The following RGS7 variants were observed in gnomAD, a reference collection of about 807,000 sequenced individuals.
The protein encoded by RGS7 is regulator of G protein signaling 7, also known as regulator of G-protein signaling 7.
RGS7 carries 27 observed loss-of-function variants against 81.1 expected under a neutral mutation model. That is an observed-to-expected ratio of 0.33 (90% CI 0.25 to 0.46). The LOEUF (loss-of-function observed/expected upper bound fraction) is 0.46. RGS7 is among the 20% of genes least tolerant of loss of function. RGS7 has a pLI of 1.00. For missense variants in RGS7, 396 were observed against 607.4 expected (o/e 0.65, Z 3.66); for synonymous variants, 208 against 207.7 (o/e 1.00, Z -0.01).
chr1:240,776,886 A>C lies in RGS7; in HGVS notation c.*7-673T>G, dbSNP rs191181709. Among the ~76,000 whole-genome samples, 1,048 of 152,352 alleles carry C rather than the reference A, an allele frequency of 6.9e-3. 14 individuals are homozygous for C. Among genetic ancestry groups the C allele is most frequent in the African/African-American group, 0.022 (925 of 41,588 alleles). Reference sequence around the variant, plus strand: ...ACTTCTTCCAACCCTAATACAAGAAAAAATCTGTTCTATTCTGATTCCACA... The same window carrying C: ...ACTTCTTCCAACCCTAATACAAGAACAAATCTGTTCTATTCTGATTCCACA... On this transcript the variant is annotated intron_variant, in intron 18 of 18. Coordinates refer to ENST00000440928, the MANE Select transcript of RGS7 (RefSeq NM_001364886.1).
intron 2 of RGS7, among the ~76,000 whole-genome samples, chr1:241,116,235 T>G (rs897979469): frequency 1.4e-4 from 22 of 152,304 alleles, no homozygotes; most frequent in African/African-American, 5.1e-4. Flanking sequence ...TTAGAAATTT[T>G]TATTGTGGAA....
rs139115194 is a variant in RGS7, at chr1:241,183,268, A to G, written c.79-84506T>C. Among the ~76,000 whole-genome samples, 130 of 152,332 alleles carry G rather than the reference A, an allele frequency of 8.5e-4. 2 individuals carry two copies. In the East Asian group the frequency reaches 0.023, roughly 27 times the overall value. ...TTTCCATTACTAATTGTTTCCCCGC[A>G]TAAATGATTGCAGTATGATTTGGTT... On this transcript the variant is annotated intron_variant, in intron 2 of 18. Transcript: ENST00000440928.
intron 2 of RGS7, among the ~76,000 whole-genome samples, chr1:241,215,362 C>T (rs891008150): frequency 6.6e-6 from 1 of 152,176 alleles, no homozygotes; most frequent in Non-Finnish European, 1.5e-5. Context: ...GGGACTCATA[C>T]TTCAAACGCT....
intron 6 of RGS7, among the ~76,000 whole-genome samples, chr1:240,919,434 A>C (rs1299167955): frequency 6.6e-6 from 1 of 152,232 alleles, no homozygotes; most frequent in Non-Finnish European, 1.5e-5. Context: ...TTATACATTA[A>C]TTAATGTAAC....
At chr1:241,118,667 T>A (rs2066035758) in intron 2 of RGS7, among the ~76,000 whole-genome samples, 1 of 151,972 alleles carries the variant, frequency 6.6e-6, no homozygotes, top group Non-Finnish European at 1.5e-5. Context: ...GTTGACAGAA[T>A]AAAGAAAACA....
Position 241,017,319 on chromosome 1 carries a change from T to TA in RGS7, c.176-34191dup, listed in dbSNP as rs1373452282. Among the ~76,000 whole-genome samples, 6 of 152,054 alleles carry TA rather than the reference T, an allele frequency of 3.9e-5. 1 individual carries two copies. The highest frequency in any genetic ancestry group is 1.4e-4 in the African/African-American group (6 of 41,484). ...AGCTGGGCGTGGTGGCGCACGCCTGTAATTCCAGCTACCAGGGAGGCTGAG... is the reference window on the plus strand; with the variant it reads ...AGCTGGGCGTGGTGGCGCACGCCTGTAAATTCCAGCTACCAGGGAGGCTGAG... On this transcript the variant is annotated intron_variant, in intron 3 of 18. Transcript: ENST00000440928.
intron 2 of RGS7, among the ~76,000 whole-genome samples, chr1:241,139,921 C>A (rs143081957): frequency 6.6e-6 from 1 of 152,212 alleles, no homozygotes; most frequent in African/African-American, 2.4e-5. Flanking sequence ...ATAACCATCA[C>A]CTAGGTGTCA....
intron 3 of RGS7, among the ~76,000 whole-genome samples, chr1:241,066,347 GAAAGGTGACCCT>G (rs2062060940): frequency 6.6e-6 from 1 of 152,192 alleles, no homozygotes; most frequent in African/African-American, 2.4e-5. Flanking sequence ...TCATGCTGAA[GAAAGGTGACCCT>G]TCCAGCTCAG....
chr1:241,153,482 T>G (rs1441548009), intron 2 of RGS7, among the ~76,000 whole-genome samples: 24 of 151,396 alleles, frequency 1.6e-4, no homozygotes, highest in Admixed American at 7.2e-4. Context: ...AAAAAGTGGT[T>G]AGATTTACAA....
At chr1:241,236,552 A>G (rs1437108254) in intron 2 of RGS7, among the ~76,000 whole-genome samples, 1 of 152,146 alleles carries the variant, frequency 6.6e-6, no homozygotes, top group Non-Finnish European at 1.5e-5. Flanking sequence ...TATGGACAGG[A>G]AAGACCTTCT....
At chr1:241,008,094 G>A (rs935509799) in intron 3 of RGS7, among the ~76,000 whole-genome samples, 3 of 151,866 alleles carry the variant, frequency 2.0e-5, no homozygotes, top group Non-Finnish European at 2.9e-5. Context: ...GCAAAGATCC[G>A]TCCCTACTTT....
chr1:241,245,609 C>G (rs369000402), intron 2 of RGS7, among the ~76,000 whole-genome samples: 2 of 151,564 alleles, frequency 1.3e-5, no homozygotes, highest in East Asian at 3.9e-4. Flanking sequence ...GAGTTCAAGA[C>G]CAGCCTGACC....
intron 3 of RGS7, among the ~76,000 whole-genome samples, chr1:241,098,072 C>T (rs185327990): frequency 1.2e-4 from 18 of 152,308 alleles, no homozygotes; most frequent in Admixed American, 7.8e-4. Flanking sequence ...CAATTTATCC[C>T]GAGCACTTTC....
chr1:241,089,063 C>CTCTCTATATATA (rs1374552672), intron 3 of RGS7, among the ~76,000 whole-genome samples: 6 of 23,686 alleles, frequency 2.5e-4, no homozygotes, highest in African/African-American at 4.6e-4. Context: ...CTCTCTCTCT[C>CTCTCTATATATA]TATATATATA....
chr1:241,047,733 CTTTTTTT>C (rs34738551), intron 3 of RGS7, among the ~76,000 whole-genome samples: 2 of 89,514 alleles, frequency 2.2e-5, no homozygotes, highest in Non-Finnish European at 2.1e-5. Context: ...GTTTACAATC[CTTTTTTT>C]TTTTTTTTTT....
chr1:240,935,756 T>C (rs562502988), intron 5 of RGS7, among the ~76,000 whole-genome samples: 4 of 152,352 alleles, frequency 2.6e-5, no homozygotes, highest in Non-Finnish European at 4.4e-5. Context: ...TATGTAGACA[T>C]AGAGCATTTA....
chr1:241,027,264 G>T (rs920927216), intron 3 of RGS7, among the ~76,000 whole-genome samples: 1 of 151,920 alleles, frequency 6.6e-6, no homozygotes, highest in African/African-American at 2.4e-5. Flanking sequence ...GTGGTGGCAG[G>T]GAGTGGGGAG....
chr1:241,002,790 G>A (rs553480087), intron 3 of RGS7, among the ~76,000 whole-genome samples: 2 of 152,110 alleles, frequency 1.3e-5, no homozygotes, highest in Non-Finnish European at 2.9e-5. Context: ...ATGTAAACAG[G>A]ATGTTCACGT....
At chr1:240,867,487 A>G (rs1266700927) in intron 9 of RGS7, among the ~76,000 whole-genome samples, 1 of 152,174 alleles carries the variant, frequency 6.6e-6, no homozygotes, top group East Asian at 1.9e-4. Flanking sequence ...GCTGGTAACC[A>G]CTGTTTAATT....
Sources: gnomAD v4.1 joint callset for allele counts (sites outside exome capture counted in the v4.1 genomes callset) on GRCh38, gnomAD v4.1.1 for gene constraint, MANE v1.5 for transcripts, NCBI Gene and HGNC (gene_info 2026-07-23, HGNC 2026-07-21) for gene names.